Variants in DAB1 observed in about 807,000 individuals in gnomAD.
DAB1 encodes the protein disabled homolog 1.
DAB1 carries 15 observed loss-of-function variants against 64.6 expected under a neutral mutation model. The observed-to-expected ratio is 0.23, with a 90% CI of 0.16 to 0.36. DAB1 has a LOEUF of 0.36. DAB1 is among the 10% of genes least tolerant of loss of function. The probability of loss-of-function intolerance (pLI) is 1.00; values close to 1 mark genes in which losing one functional copy is unlikely to be tolerated. For synonymous variants in DAB1, 235 were observed against 251.9 expected, an observed-to-expected ratio of 0.93 and a Z score of 0.64; for missense variants, 596 against 706.7, an observed-to-expected ratio of 0.84 and a Z score of 1.78.
intron 6 of DAB1, among the ~76,000 whole-genome samples, chr1:57,736,209 T>C (rs562535703): frequency 6.6e-6 from 1 of 152,306 alleles, no homozygotes; most frequent in African/African-American, 2.4e-5. Context: ...AGCATTGTTA[T>C]CATTTTTCTT....
At chr1:58,533,266 G>T (rs909070823) in intron 1 of DAB1, among the ~76,000 whole-genome samples, 4 of 152,198 alleles carry the variant, frequency 2.6e-5, no homozygotes, top group Non-Finnish European at 5.9e-5. Context: ...TAACTGTAGT[G>T]AAAGGAAGAA....
intron 3 of DAB1, among the ~76,000 whole-genome samples, chr1:58,457,928 C>T (rs1203315364): frequency 6.6e-6 from 1 of 152,194 alleles, no homozygotes; most frequent in East Asian, 1.9e-4. Flanking sequence ...CTGATAGATG[C>T]TATTTATTGA....
intron 4 of DAB1, among the ~76,000 whole-genome samples, chr1:58,245,771 T>G (rs1201000949): frequency 6.6e-6 from 1 of 152,192 alleles, no homozygotes; most frequent in Non-Finnish European, 1.5e-5. Flanking sequence ...TAATTTAAAA[T>G]TTAAACCCAA....
intron 1 of DAB1, among the ~76,000 whole-genome samples, chr1:57,390,044 T>A (rs1443249084): frequency 6.6e-6 from 1 of 152,264 alleles, no homozygotes; most frequent in Non-Finnish European, 1.5e-5. Context: ...TTGTTAATAC[T>A]GCATCCATGG....
intron 4 of DAB1, among the ~76,000 whole-genome samples, chr1:58,334,603 CATTAT>C (rs55941113): frequency 0.36 from 50,430 of 140,048 alleles, 9,558 homozygotes; most frequent in East Asian, 0.63. Context: ...TATTATATTA[CATTAT>C]ATTATATTAT....
intron 7 of DAB1, among the ~76,000 whole-genome samples, chr1:57,473,029 A>T (rs996417666): frequency 1.3e-5 from 2 of 152,160 alleles, no homozygotes; most frequent in Non-Finnish European, 2.9e-5. Context: ...GAATGCCTTG[A>T]CTACTCTAGA....
At chr1:58,361,840 A>G (rs1644169714) in intron 3 of DAB1, among the ~76,000 whole-genome samples, 1 of 147,350 alleles carries the variant, frequency 6.8e-6, no homozygotes, top group South Asian at 2.2e-4. Flanking sequence ...TTGTAGCCTA[A>G]CATCCCACCA....
Position 57,402,502 on chromosome 1 carries a change from A to G in DAB1, c.-137+21428T>C, listed in dbSNP as rs1447833982. 2.6e-5 allele frequency among the ~76,000 whole-genome samples: 4 copies of G among 152,156 alleles called. No homozygotes were observed. In the South Asian group the frequency reaches 8.3e-4, roughly 32 times the overall value. ...TTTAATTACACCCATAAGTCCCAAGATATTGCTGCAATACACCAGCTGGGG... is the reference window on the plus strand; with the variant it reads ...TTTAATTACACCCATAAGTCCCAAGGTATTGCTGCAATACACCAGCTGGGG... On this transcript the variant is annotated intron_variant, in intron 1 of 14. Coordinates refer to ENST00000371236, the MANE Select transcript of DAB1 (RefSeq NM_001365792.1).
chr1:58,296,772 A>C (rs1662005789), intron 4 of DAB1, among the ~76,000 whole-genome samples: 1 of 152,202 alleles, frequency 6.6e-6, no homozygotes, highest in African/African-American at 2.4e-5. Context: ...TTAAAAACCC[A>C]GGGTGGAGCA....
chr1:58,431,658 C>T (rs1396740780), intron 3 of DAB1, among the ~76,000 whole-genome samples: 1 of 151,320 alleles, frequency 6.6e-6, no homozygotes. Flanking sequence ...TCTAGATTTA[C>T]GAAGGTTTTT....
intron 14 of DAB1, among the ~76,000 whole-genome samples, chr1:57,003,045 A>T (rs75491963): frequency 6.6e-6 from 1 of 152,232 alleles, no homozygotes; most frequent in African/African-American, 2.4e-5. Context: ...GTTTCTTTTC[A>T]AATGGCCTCT....
intron 5 of DAB1, among the ~76,000 whole-genome samples, chr1:57,889,899 C>G (rs58602349): frequency 0.43 from 32,078 of 73,788 alleles, 6,080 homozygotes; most frequent in East Asian, 0.51. Context: ...CAAACTGGGG[C>G]GGGGGGGGGG....
intron 2 of DAB1, among the ~76,000 whole-genome samples, chr1:57,216,296 T>C (rs1666424779): frequency 6.6e-6 from 1 of 152,118 alleles, no homozygotes; most frequent in African/African-American, 2.4e-5. Flanking sequence ...TAAGGGTAAG[T>C]GCACATATGG....
At chr1:58,493,066 C>T (rs1447396285) in intron 3 of DAB1, among the ~76,000 whole-genome samples, 1 of 152,176 alleles carries the variant, frequency 6.6e-6, no homozygotes, top group Non-Finnish European at 1.5e-5. Context: ...AGCTTATCCA[C>T]CATGATCAAG....
intron 7 of DAB1, among the ~76,000 whole-genome samples, chr1:57,538,677 C>T (rs528723031): frequency 7.0e-4 from 107 of 152,288 alleles, no homozygotes; most frequent in African/African-American, 2.4e-3. Flanking sequence ...TGCCCTCCAG[C>T]CAGTTGTCAG....
chr1:57,125,218 T>G (rs1356097836), intron 4 of DAB1, among the ~76,000 whole-genome samples: 2 of 152,128 alleles, frequency 1.3e-5, no homozygotes, highest in African/African-American at 4.8e-5. Context: ...CATCAAAATT[T>G]GGAGGCGCAG....
At chr1:58,099,911 C>T (rs1399757298) in intron 5 of DAB1, among the ~76,000 whole-genome samples, 1 of 152,180 alleles carries the variant, frequency 6.6e-6, no homozygotes, top group Non-Finnish European at 1.5e-5. Flanking sequence ...ATGTCCCTTT[C>T]CTTGGGACAC....
intron 1 of DAB1, among the ~76,000 whole-genome samples, chr1:58,539,568 G>A (rs1646572069): frequency 6.6e-6 from 1 of 152,104 alleles, no homozygotes; most frequent in Non-Finnish European, 1.5e-5. Context: ...TTTAGTTAGG[G>A]AAGAGCCATT....
chr1:58,118,928 C>T (rs1335921786), intron 5 of DAB1, among the ~76,000 whole-genome samples: 1 of 151,806 alleles, frequency 6.6e-6, no homozygotes, highest in African/African-American at 2.4e-5. Flanking sequence ...GGAAATGTTC[C>T]ATCCAGTAAG....
Sources: gnomAD v4.1 joint callset for allele counts (sites outside exome capture counted in the v4.1 genomes callset) on GRCh38, gnomAD v4.1.1 for gene constraint, MANE v1.5 for transcripts, NCBI Gene and HGNC (gene_info 2026-07-23, HGNC 2026-07-21) for gene names.